ZNF423: variants seen among roughly 807,000 people sequenced by gnomAD.
ZNF423 encodes the protein Ebf-associated zinc finger protein.
A neutral mutation model predicts 95.8 loss-of-function variants in ZNF423; 12 were observed. The ratio of observed to expected loss-of-function variants is 0.13; its 90% CI spans 0.08 to 0.20. The LOEUF is 0.20. Ranked by LOEUF, ZNF423 falls within the 10% of genes least tolerant of loss-of-function variation. The pLI is 1.00. For missense variants in ZNF423, 1,316 were observed against 1,737.1 expected (o/e 0.76, Z 4.31); for synonymous variants, 749 against 711.9 (o/e 1.05, Z -0.83).
intron 1 of ZNF423, among the ~76,000 whole-genome samples, chr16:49,797,360 T>A (rs1213063590): frequency 6.6e-6 from 1 of 152,188 alleles, no homozygotes; most frequent in Non-Finnish European, 1.5e-5. Flanking sequence ...CACTGTGTCC[T>A]GGTGCAGGGC....
chr16:49,666,393 A>G (rs2030547242), intron 3 of ZNF423, among the ~76,000 whole-genome samples: 1 of 152,186 alleles, frequency 6.6e-6, no homozygotes, highest in Admixed American at 6.5e-5. Context: ...CGCCAGTTAC[A>G]TTCACAAACA....
chr16:49,745,064 G>A (rs529698529), intron 2 of ZNF423, among the ~76,000 whole-genome samples: 3 of 151,666 alleles, frequency 2.0e-5, no homozygotes, highest in Admixed American at 6.6e-5. Flanking sequence ...TTTCAGTTTC[G>A]GTCTGGCTCA....
chr16:49,593,279 T>C (rs1354046786), intron 5 of ZNF423, among the ~76,000 whole-genome samples: 1 of 151,742 alleles, frequency 6.6e-6, no homozygotes, highest in Non-Finnish European at 1.5e-5. Flanking sequence ...CAAAAAAAAT[T>C]TAAAAATTAG....
rs116883587 is a variant in ZNF423 at position 49,563,753 on chromosome 16, C to T, written c.3602-38259G>A. Reference sequence around the variant, plus strand: ...CACCTCTCCCTCACCCCCTGAGACCCCTCCCCATGGCCTGCTACTGAAACA... The same window carrying T: ...CACCTCTCCCTCACCCCCTGAGACCTCTCCCCATGGCCTGCTACTGAAACA... On this transcript the variant is annotated intron_variant, in intron 5 of 7. Transcript: ENST00000563137. Among the ~76,000 whole-genome samples, 22 of 152,350 alleles carry T rather than the reference C, an allele frequency of 1.4e-4. No homozygotes were observed. The East Asian group carries it at 3.5e-3, about 24-fold the overall frequency.
intron 2 of ZNF423, among the ~76,000 whole-genome samples, chr16:49,768,080 G>A (rs1296155445): frequency 6.6e-6 from 1 of 152,224 alleles, no homozygotes; most frequent in Non-Finnish European, 1.5e-5. Flanking sequence ...GTACGGAGGT[G>A]CGGCTGGCCC....
chr16:49,592,972 G>T (rs1478159906), intron 5 of ZNF423, among the ~76,000 whole-genome samples: 1 of 152,174 alleles, frequency 6.6e-6, no homozygotes, highest in African/African-American at 2.4e-5. Context: ...CTGGAGAAGG[G>T]TCAGTCATCC....
At chr16:49,673,980 C>A (rs2030933729) in intron 3 of ZNF423, among the ~76,000 whole-genome samples, 1 of 152,160 alleles carries the variant, frequency 6.6e-6, no homozygotes, top group Admixed American at 6.5e-5. Flanking sequence ...AGGCCTGCTG[C>A]TGGGTCTTAA....
At chr16:49,610,232 G>C (rs1463429166) in intron 5 of ZNF423, among the ~76,000 whole-genome samples, 3 of 152,148 alleles carry the variant, frequency 2.0e-5, no homozygotes. Context: ...TGGAACATTA[G>C]GTAGTAAGAA....
chr16:49,707,474 A>G (rs2032389965), intron 3 of ZNF423, among the ~76,000 whole-genome samples: 1 of 151,978 alleles, frequency 6.6e-6, no homozygotes, highest in South Asian at 2.1e-4. Context: ...AAAAATAGCC[A>G]GGTATGGTGG....
chr16:49,581,775 T>C (rs917383926), intron 5 of ZNF423, among the ~76,000 whole-genome samples: 3 of 152,198 alleles, frequency 2.0e-5, no homozygotes, highest in African/African-American at 7.2e-5. Flanking sequence ...ACATTTCTTT[T>C]CTTTCAATCC....
chr16:49,575,529 T>C (rs1243702770), intron 5 of ZNF423, among the ~76,000 whole-genome samples: 1 of 152,190 alleles, frequency 6.6e-6, no homozygotes, highest in Non-Finnish European at 1.5e-5. Flanking sequence ...TAGGAGTGGC[T>C]GCCCCAGTCC....
chr16:49,491,486 C>A (rs528279996), intron 7 of ZNF423, among the ~76,000 whole-genome samples, 182 bp from the exon 8 acceptor site: 70 of 148,116 alleles, frequency 4.7e-4, no homozygotes, highest in African/African-American at 1.7e-3. Context: ...TGATTTGGGG[C>A]TTGGGGATAG....
At chr16:49,795,646 G>T (rs976649276) in intron 1 of ZNF423, among the ~76,000 whole-genome samples, 7 of 152,184 alleles carry the variant, frequency 4.6e-5, no homozygotes, top group African/African-American at 1.7e-4. Flanking sequence ...ACACTTCACC[G>T]GACAGGGCCT....
intron 5 of ZNF423, among the ~76,000 whole-genome samples, chr16:49,578,799 C>T (rs1262669834): frequency 1.3e-5 from 2 of 152,246 alleles, no homozygotes; most frequent in Non-Finnish European, 2.9e-5. Flanking sequence ...GAGGTAGACC[C>T]AAGGACCTTT....
chr16:49,649,090 AC>A (rs1184959808), intron 3 of ZNF423, among the ~76,000 whole-genome samples: 2 of 152,188 alleles, frequency 1.3e-5, no homozygotes, highest in Non-Finnish European at 2.9e-5. Context: ...TCTGTTGGAC[AC>A]CCAAAACTTC....
At chr16:49,499,107 A>G (rs569081613) in intron 7 of ZNF423, among the ~76,000 whole-genome samples, 10 of 152,270 alleles carry the variant, frequency 6.6e-5, no homozygotes, top group African/African-American at 2.4e-4. Flanking sequence ...GGTTTGCCTC[A>G]TTTACGCAGA....
Position 49,634,353 on chromosome 16 carries a change from C to T in ZNF423, c.3516+1307G>A, listed in dbSNP as rs144571707. Reference sequence around the variant, plus strand: ...GTGTCAGCCACAGCACCCGGCCTCGCTATTTTCATTCAAGTTGTCCTCTCT... The same window carrying T: ...GTGTCAGCCACAGCACCCGGCCTCGTTATTTTCATTCAAGTTGTCCTCTCT... On this transcript the variant is annotated intron_variant, in intron 4 of 7. Coordinates refer to ENST00000563137, the MANE Select transcript of ZNF423 (RefSeq NM_001379286.1). 3.7e-4 allele frequency among the ~76,000 whole-genome samples: 57 copies of T among 152,240 alleles called. No homozygotes were observed. In the East Asian group the frequency reaches 0.01, roughly 27 times the overall value.
Position 49,639,764 on chromosome 16 carries a change from G to A in ZNF423, c.302-890C>T, listed in dbSNP as rs141039016. 4.4e-3 allele frequency among the ~76,000 whole-genome samples: 667 copies of A among 152,322 alleles called. 5 individuals are homozygous for A. The highest frequency in any genetic ancestry group is 7.8e-3 in the Non-Finnish European group (530 of 68,018). Reference sequence around the variant, plus strand: ...GCAAGGAAGAGACAATCCTTGTACAGACTCCAGCCAGTCCCACCCTCCCTG... The same window carrying A: ...GCAAGGAAGAGACAATCCTTGTACAAACTCCAGCCAGTCCCACCCTCCCTG... On this transcript the variant is annotated intron_variant, in intron 3 of 7. Coordinates refer to ENST00000563137, the MANE Select transcript of ZNF423 (RefSeq NM_001379286.1).
chr16:49,855,107 G>C lies in ZNF423; in HGVS notation c.40+628C>G, dbSNP rs962783263. On this transcript the variant is annotated intron_variant, in intron 1 of 7. Transcript: ENST00000563137. This position sits in a 1 kb window ranked among gnomAD's most constrained non-coding sequence, Gnocchi z 4.7. ...TCGGTGGAGGAGGCAGGAAGTGCAG[G>C]GGCCCGGGCCGGGAGAAGGCCTGGG... 1.1e-6 allele frequency: 1 copy of C among 945,052 alleles called. No individual in the cohort carries two copies. The highest frequency in any genetic ancestry group is 1.8e-5 in the African/African-American group (1 of 56,222). The allele number at this position is 945,052 out of a possible 1,614,324, so 58.5% of individuals were successfully genotyped here. A position where few individuals can be genotyped will look rare whatever the true frequency, so the allele number is the denominator to read the frequency against.
Sources: gnomAD v4.1 joint callset for allele counts (sites outside exome capture counted in the v4.1 genomes callset) on GRCh38, gnomAD v4.1.1 for gene constraint, Gnocchi (gnomAD v3.1) non-coding constraint, MANE v1.5 for transcripts, NCBI Gene and HGNC (gene_info 2026-07-23, HGNC 2026-07-21) for gene names.